Variants in CHCHD3 observed in about 807,000 individuals in gnomAD.
The protein encoded by CHCHD3 is coiled-coil-helix-coiled-coil-helix domain containing 3, also known as MICOS complex subunit MIC19.
CHCHD3 carries 20 observed loss-of-function variants against 38.2 expected under a neutral mutation model. The ratio of observed to expected loss-of-function variants is 0.52; its 90% CI spans 0.37 to 0.76. The LOEUF (loss-of-function observed/expected upper bound fraction) is 0.76. Ranked by LOEUF, CHCHD3 falls within the 30% of genes least tolerant of loss-of-function variation. The probability of loss-of-function intolerance (pLI) is 0.00; values close to 1 mark genes in which losing one functional copy is unlikely to be tolerated. For synonymous variants in CHCHD3, 82 were observed against 100.0 expected (o/e 0.82, Z 1.07); for missense variants, 245 against 279.2 (o/e 0.88, Z 0.87).
intron 3 of CHCHD3, among the ~76,000 whole-genome samples, chr7:132,998,052 C>T (rs752128759): frequency 1.3e-5 from 2 of 152,182 alleles, no homozygotes; most frequent in Non-Finnish European, 2.9e-5. Context: ...TTCATTATAT[C>T]TGGCTTCCTC....
chr7:132,796,313 C>G, intron 7 of CHCHD3, 129 bp downstream of exon 7: 1 of 983,484 alleles, frequency 1.0e-6, no homozygotes, highest in Non-Finnish European at 1.5e-6. Context: ...TACAGTAATT[C>G]TTGATGATGA....
intron 2 of CHCHD3, among the ~76,000 whole-genome samples, chr7:133,050,903 C>G (rs1313582357): frequency 6.6e-6 from 1 of 152,084 alleles, no homozygotes; most frequent in Non-Finnish European, 1.5e-5. Context: ...GTAATCCCAG[C>G]TACTCAGGAG....
At chr7:132,944,578 T>TA (rs939095848) in intron 4 of CHCHD3, among the ~76,000 whole-genome samples, 8 of 151,872 alleles carry the variant, frequency 5.3e-5, no homozygotes, top group Non-Finnish European at 1.2e-4. Flanking sequence ...TTTATTGCTG[T>TA]AAAAAATATT....
intron 2 of CHCHD3, 37 bp downstream of exon 2, chr7:133,070,105 A>T (rs1345155918): frequency 6.7e-7 from 1 of 1,494,880 alleles, no homozygotes; most frequent in Admixed American, 2.0e-5. Flanking sequence ...CTTATAATTT[A>T]TCTCCTAAAA....
At chr7:133,039,396 C>T (rs1456809164) in intron 2 of CHCHD3, among the ~76,000 whole-genome samples, 1 of 152,108 alleles carries the variant, frequency 6.6e-6, no homozygotes, top group Non-Finnish European at 1.5e-5. Context: ...AAGAGGAATC[C>T]TCAGATGCTG....
Position 132,855,873 on chromosome 7 carries a change from A to G in CHCHD3, c.454-17404T>C, listed in dbSNP as rs561492009. ...AATGTGTCATATTTGTTTAAAAAAA[A>G]AAAAGAAAGAAAAAAAAGAAGAGGG... On this transcript the variant is annotated intron_variant, in intron 5 of 7. Transcript: ENST00000262570. 4.6e-5 allele frequency among the ~76,000 whole-genome samples: 7 copies of G among 151,966 alleles called. No homozygotes were observed. In the South Asian group the frequency reaches 8.3e-4, roughly 18 times the overall value.
At chr7:133,023,770 AGTGGATAGCTC>A (rs925866828) in intron 3 of CHCHD3, among the ~76,000 whole-genome samples, 1 of 152,110 alleles carries the variant, frequency 6.6e-6, no homozygotes, top group Non-Finnish European at 1.5e-5. Context: ...TGTTTTTTTC[AGTGGATAGCTC>A]GTCAACATCT....
At chr7:132,809,476 G>A (rs1807011916) in intron 6 of CHCHD3, among the ~76,000 whole-genome samples, 1 of 152,124 alleles carries the variant, frequency 6.6e-6, no homozygotes, top group Non-Finnish European at 1.5e-5. Context: ...CCTGCAAAAT[G>A]CCAATCTTTC....
At chr7:132,815,185 G>A (rs1807166288) in intron 6 of CHCHD3, among the ~76,000 whole-genome samples, 1 of 152,010 alleles carries the variant, frequency 6.6e-6, no homozygotes, top group Non-Finnish European at 1.5e-5. Flanking sequence ...TCCAATATTG[G>A]TTATAAGTGC....
Position 133,080,905 on chromosome 7 carries a change from AAT to A in CHCHD3, c.81+950_81+951del, listed in dbSNP as rs1491066857. Among the ~76,000 whole-genome samples, 29 of 148,966 alleles carry A rather than the reference AAT, an allele frequency of 1.9e-4. No individual in the cohort carries two copies. The East Asian group carries it at 4.8e-3, about 25-fold the overall frequency. Reference sequence around the variant, plus strand: ...TTTACGCTGGTTGATAACAGAAAAAAATATATAAATTATTATAAAACTTTCTG... The same window carrying A: ...TTTACGCTGGTTGATAACAGAAAAAAATATAAATTATTATAAAACTTTCTG... On this transcript the variant is annotated intron_variant, in intron 1 of 7. Transcript: ENST00000262570.
At chr7:132,849,568 T>G (rs1440668840) in intron 5 of CHCHD3, 1 of 152,210 alleles carries the variant, frequency 6.6e-6, no homozygotes, top group Non-Finnish European at 1.5e-5. Context: ...TTAAGATTCC[T>G]TATGGAAACA....
intron 3 of CHCHD3, among the ~76,000 whole-genome samples, chr7:133,005,076 A>C (rs889558233): frequency 3.9e-5 from 6 of 152,166 alleles, no homozygotes; most frequent in Non-Finnish European, 8.8e-5. Context: ...TAGTGCTTTT[A>C]AAATTGTTTC....
chr7:132,801,481 A>G (rs141402887), intron 6 of CHCHD3, among the ~76,000 whole-genome samples: 3 of 152,336 alleles, frequency 2.0e-5, no homozygotes, highest in African/African-American at 2.4e-5. Flanking sequence ...GTTTTCATAT[A>G]CAATTTGAGA....
intron 2 of CHCHD3, among the ~76,000 whole-genome samples, chr7:133,066,038 C>A (rs1003514881): frequency 5.3e-5 from 8 of 151,764 alleles, no homozygotes; most frequent in Admixed American, 5.2e-4. Flanking sequence ...ACAGAACTGT[C>A]TGCAATAATA....
At chr7:133,045,840 G>A (rs1813966952) in intron 2 of CHCHD3, among the ~76,000 whole-genome samples, 1 of 151,970 alleles carries the variant, frequency 6.6e-6, no homozygotes, top group Admixed American at 6.6e-5. Flanking sequence ...TTAAAAGTGT[G>A]TGGCACCTCT....
At chr7:132,831,488 C>T (rs1807649723) in intron 6 of CHCHD3, among the ~76,000 whole-genome samples, 1 of 152,092 alleles carries the variant, frequency 6.6e-6, no homozygotes, top group Non-Finnish European at 1.5e-5. Flanking sequence ...TACAAATACA[C>T]GTGAAACAGC....
At chr7:132,955,696 G>C (rs1160208057) in intron 4 of CHCHD3, among the ~76,000 whole-genome samples, 1 of 152,088 alleles carries the variant, frequency 6.6e-6, no homozygotes, top group Non-Finnish European at 1.5e-5. Context: ...CATGGCAATA[G>C]GTGGAGGAAC....
At chr7:132,985,375 TGG>T (rs536416069) in intron 3 of CHCHD3, among the ~76,000 whole-genome samples, 1 of 59,570 alleles carries the variant, frequency 1.7e-5, no homozygotes, top group Non-Finnish European at 3.4e-5. Flanking sequence ...GGGAAGGAGG[TGG>T]GGGGGTCAGC....
At chr7:132,845,223 T>C (rs938814473) in intron 5 of CHCHD3, 1 of 152,174 alleles carries the variant, frequency 6.6e-6, no homozygotes, top group East Asian at 1.9e-4. Context: ...TAGGATTCTC[T>C]GGGGATTAAA....
Sources: allele counts gnomAD v4.1 joint callset (sites outside exome capture counted in the v4.1 genomes callset), GRCh38; gene constraint gnomAD v4.1.1; transcripts MANE v1.5; gene names NCBI Gene and HGNC (gene_info 2026-07-23, HGNC 2026-07-21).